Variants in CREBBP observed in about 807,000 individuals in gnomAD.
The protein encoded by CREBBP is CREB binding lysine acetyltransferase, also known as CREB-binding protein.
CREBBP carries 19 observed loss-of-function variants against 265.0 expected under a neutral mutation model. That is an observed-to-expected ratio of 0.07 (90% CI 0.05 to 0.11). The LOEUF is 0.11. Ranked by LOEUF, CREBBP falls within the 10% of genes least tolerant of loss-of-function variation. The probability of loss-of-function intolerance (pLI) is 1.00; values close to 1 mark genes in which losing one functional copy is unlikely to be tolerated. For missense variants in CREBBP, 2,525 were observed against 3,219.0 expected, an observed-to-expected ratio of 0.78 and a Z score of 5.22; for synonymous variants, 1,457 against 1,223.7, an observed-to-expected ratio of 1.19 and a Z score of -3.98.
chr16:3,773,096 A>G (rs887146154), intron 13 of CREBBP, among the ~76,000 whole-genome samples: 3 of 151,988 alleles, frequency 2.0e-5, no homozygotes, highest in Admixed American at 1.3e-4. Context: ...AAAACAGACA[A>G]ACAAACAAAA....
Position 3,728,429 on chromosome 16 carries a change from C to CTGCTGCTGT in CREBBP, c.6609_6617dup (p.Gln2214_Gln2216dup). 1.2e-6 allele frequency: 2 copies of CTGCTGCTGT among 1,612,782 alleles called. No individual in the cohort carries two copies. Among genetic ancestry groups the CTGCTGCTGT allele is most frequent in the Non-Finnish European group, 1.7e-6 (2 of 1,179,224 alleles). ...GCTGCTGCTGTTGCTGCTGTTGTTG[C>CTGCTGCTGT]TGCTGCTGTTGCTGCTGCTGCTGCA... is the stretch of plus-strand genomic sequence containing the variant. On this transcript the variant is annotated inframe_insertion, in exon 31 of 31. Transcript: ENST00000262367. This position sits in a 1 kb window ranked among gnomAD's most constrained non-coding sequence, Gnocchi z 8.7.
In CREBBP at chr16:3,740,369, C is replaced by A. The variant is rs765895433; in HGVS notation, c.4133+30G>T. ...GGCAAGCGGGCGTGGGGACTGCTCGCAGAGCACTGTAGAGAGCAGGCACAC... is the reference window on the plus strand; with the variant it reads ...GGCAAGCGGGCGTGGGGACTGCTCGAAGAGCACTGTAGAGAGCAGGCACAC... On this transcript the variant is annotated intron_variant, in intron 24 of 30. Transcript: ENST00000262367. The A allele has an allele frequency of 5.6e-6, 9 of 1,613,742 alleles. No homozygotes were observed. The South Asian group carries it at 9.9e-5, about 18-fold the overall frequency.
At chr16:3,775,043 G>A (rs577172635) in intron 11 of CREBBP, among the ~76,000 whole-genome samples, 3 of 152,080 alleles carry the variant, frequency 2.0e-5, no homozygotes, top group Admixed American at 2.0e-4. Flanking sequence ...GCAACAAAGA[G>A]GGTGAGGAGG....
intron 14 of CREBBP, 141 bp downstream of exon 14, chr16:3,770,429 C>T: frequency 1.0e-6 from 1 of 979,388 alleles, no homozygotes; most frequent in East Asian, 2.4e-5. Context: ...CTCATGGGCT[C>T]AAGTGATTCT....
chr16:3,754,736 A>C (rs2052550247), intron 19 of CREBBP, among the ~76,000 whole-genome samples: 1 of 152,216 alleles, frequency 6.6e-6, no homozygotes, highest in Admixed American at 6.5e-5. Context: ...AAATTTGCAA[A>C]GTATGAAAAC....
chr16:3,803,397 C>T (rs533191840), intron 3 of CREBBP, among the ~76,000 whole-genome samples: 3 of 151,140 alleles, frequency 2.0e-5, no homozygotes, highest in Non-Finnish European at 2.9e-5. Flanking sequence ...CCCAACTACT[C>T]GGAAGGCTGA....
chr16:3,784,070 A>G (rs961345085), intron 5 of CREBBP, among the ~76,000 whole-genome samples: 1 of 152,180 alleles, frequency 6.6e-6, no homozygotes, highest in Non-Finnish European at 1.5e-5. Context: ...CAAATTTTAG[A>G]GTCATGTTAA....
chr16:3,794,631 G>A (rs1035774148), intron 3 of CREBBP, among the ~76,000 whole-genome samples: 1 of 152,078 alleles, frequency 6.6e-6, no homozygotes, highest in East Asian at 1.9e-4. Flanking sequence ...TTAAAGATTT[G>A]GTGATCTGCT....
intron 2 of CREBBP, among the ~76,000 whole-genome samples, chr16:3,828,498 G>C (rs549314100): frequency 7.9e-5 from 12 of 152,294 alleles, no homozygotes; most frequent in African/African-American, 2.4e-4. Flanking sequence ...CAGCATACAA[G>C]GGTATGTTTC....
In CREBBP at chr16:3,848,086, C is replaced by T. The variant is rs559049559; in HGVS notation, c.798+2211G>A. Among the ~76,000 whole-genome samples the T allele has an allele frequency of 3.4e-4, 51 of 151,960 alleles. 1 individual carries two copies. The highest frequency in any genetic ancestry group is 4.2e-4 in the South Asian group (2 of 4,808). ...TCAGGAGGCTGAGGCAGGACAATCACTTGAACCCAGGAGGCGGAGGTTGCA... is the reference window on the plus strand; with the variant it reads ...TCAGGAGGCTGAGGCAGGACAATCATTTGAACCCAGGAGGCGGAGGTTGCA... On this transcript the variant is annotated intron_variant, in intron 2 of 30. Transcript: ENST00000262367.
Position 3,849,444 on chromosome 16 carries a change from T to TGTGTGTGTGTG in CREBBP, c.798+842_798+852dup, listed in dbSNP as rs1567360576. ...GTGTGTGTGTGTGTGTGTGTGTGTG[T>TGTGTGTGTGTG]GTGTGTGTGTGTGTGTGTGTGTGTG... On this transcript the variant is annotated intron_variant, in intron 2 of 30. Coordinates refer to ENST00000262367, the MANE Select transcript of CREBBP (RefSeq NM_004380.3). Among the ~76,000 whole-genome samples, 44 of 24,878 alleles carry TGTGTGTGTGTG rather than the reference T, an allele frequency of 1.8e-3. 3 individuals are homozygous for TGTGTGTGTGTG. Among genetic ancestry groups the TGTGTGTGTGTG allele is most frequent in the Non-Finnish European group, 5.0e-3 (31 of 6,190 alleles). The allele number at this position is 24,878 out of a possible 152,430, so 16.3% of individuals were successfully genotyped here.
At chr16:3,862,573 G>A (rs920888944) in intron 1 of CREBBP, among the ~76,000 whole-genome samples, 1 of 152,196 alleles carries the variant, frequency 6.6e-6, no homozygotes, top group African/African-American at 2.4e-5. Flanking sequence ...TGTTTTGTAT[G>A]ATGAACGATA....
At chr16:3,850,231 A>C in intron 2 of CREBBP, 66 bp downstream of exon 2, 1 of 1,538,646 alleles carries the variant, frequency 6.5e-7, no homozygotes, top group Non-Finnish European at 9.0e-7. Flanking sequence ...GTCCCATTTT[A>C]CGCATTACTC....
intron 2 of CREBBP, among the ~76,000 whole-genome samples, chr16:3,846,032 T>A (rs551773023): frequency 6.6e-6 from 1 of 152,168 alleles, no homozygotes; most frequent in African/African-American, 2.4e-5. Context: ...TGTGTTTCTA[T>A]ACAAACTGAA....
In CREBBP at chr16:3,778,832, C is replaced by T. The variant is rs995862658; in HGVS notation, c.1824-15G>A. 3.1e-6 allele frequency: 5 copies of T among 1,606,334 alleles called. No individual in the cohort carries two copies. The highest frequency in any genetic ancestry group is 4.3e-6 in the Non-Finnish European group (5 of 1,173,382). ...TGGCTTGGACGCTGAAAGGATAACA[C>T]ATCTATCAAACTACTTTTTTTTTTC... On this transcript the variant is annotated splice_polypyrimidine_tract_variant and intron_variant, in intron 8 of 30. Transcript: ENST00000262367.
chr16:3,822,917 G>A lies in CREBBP; in HGVS notation c.799-12138C>T, dbSNP rs533625805. On this transcript the variant is annotated intron_variant, in intron 2 of 30. Coordinates refer to ENST00000262367, the MANE Select transcript of CREBBP (RefSeq NM_004380.3). Reference sequence around the variant, plus strand: ...GCAGTCTCTGTGCCTTGTTTCGAGAGAATACACAGGAAGCGCCTAGAAAAG... The same window carrying A: ...GCAGTCTCTGTGCCTTGTTTCGAGAAAATACACAGGAAGCGCCTAGAAAAG... Among the ~76,000 whole-genome samples the A allele has an allele frequency of 1.8e-3, 270 of 152,276 alleles. 4 individuals carry two copies. Among genetic ancestry groups the A allele is most frequent in the African/African-American group, 6.3e-3 (260 of 41,562 alleles).
intron 18 of CREBBP, among the ~76,000 whole-genome samples, 187 bp from the exon 19 acceptor site, chr16:3,757,563 CACTACAG>C (rs2052616291): frequency 6.6e-6 from 1 of 152,128 alleles, no homozygotes; most frequent in Admixed American, 6.6e-5. Context: ...AAGAGACATT[CACTACAG>C]ACAGGTACCA....
intron 28 of CREBBP, 44 bp downstream of exon 28, chr16:3,735,992 C>G (rs753836747): frequency 6.2e-7 from 1 of 1,613,986 alleles, no homozygotes; most frequent in African/African-American, 1.3e-5. Context: ...CCCTGCAGCT[C>G]CAGCGGGACA....
Position 3,728,241 on chromosome 16 carries a change from C to G in CREBBP, c.6806G>C (p.Gly2269Ala). The G allele has an allele frequency of 6.2e-7, 1 of 1,613,072 alleles. No individual in the cohort carries two copies. The part of the protein sequence containing the change: ...SSMGQMAAQM[G>A]QLGQMGQPGL... ...CGGCTGCCCCATCTGGCCAAGCTGTCCCATCTGAGCCGCCATCTGGCCCAT... is the reference window on the plus strand; with the variant it reads ...CGGCTGCCCCATCTGGCCAAGCTGTGCCATCTGAGCCGCCATCTGGCCCAT... The change falls in exon 31 of 31, where the codon GGA (glycine) becomes GCA (alanine). Residue 2269 changes from glycine (G) to alanine (A), a missense_variant. Around this residue, in one of 19 missense-constraint regions of CREBBP, gnomAD observed 473 missense variants for 459.3 expected, o/e 1.03. Transcript: ENST00000262367. This position sits in a 1 kb window ranked among gnomAD's most constrained non-coding sequence, Gnocchi z 8.7.
Sources: gnomAD v4.1 joint callset for allele counts (sites outside exome capture counted in the v4.1 genomes callset) on GRCh38, gnomAD v4.1.1 for gene constraint, gnomAD v4.1.1 regional missense constraint, Gnocchi (gnomAD v3.1) non-coding constraint, MANE v1.5 for transcripts, NCBI Gene and HGNC (gene_info 2026-07-23, HGNC 2026-07-21) for gene names.